Variants in SPHKAP observed in about 807,000 individuals in gnomAD.
SPHKAP encodes SPHK1 interactor, AKAP domain containing.
A neutral mutation model predicts 137.5 loss-of-function variants in SPHKAP; 67 were observed. The ratio of observed to expected loss-of-function variants is 0.49; its 90% CI spans 0.40 to 0.60. SPHKAP has a LOEUF of 0.60. SPHKAP is among the 20% of genes least tolerant of loss of function. The pLI, the probability that SPHKAP is intolerant of heterozygous loss-of-function variation, is 0.00. For synonymous variants in SPHKAP, 813 were observed against 785.3 expected, an observed-to-expected ratio of 1.04 and a Z score of -0.59; for missense variants, 2,097 against 2,069.3, an observed-to-expected ratio of 1.01 and a Z score of -0.26.
chr2:228,153,058 T>C (rs1393416567), intron 1 of SPHKAP, among the ~76,000 whole-genome samples: 5 of 152,164 alleles, frequency 3.3e-5, no homozygotes, highest in South Asian at 2.1e-4. Flanking sequence ...TCTTGTCTGC[T>C]GCCATGTAAG....
At position 228,076,218 on chromosome 2, in the gene SPHKAP, A is replaced by T. The variant is rs1054641555; in HGVS notation, c.246+32614T>A. ...TTTAATAAACACTTTTTCCTGTATAAATTACCCAGTCTCAGGTGTGTCTTT... is the reference window on the plus strand; with the variant it reads ...TTTAATAAACACTTTTTCCTGTATATATTACCCAGTCTCAGGTGTGTCTTT... On this transcript the variant is annotated intron_variant, in intron 3 of 11. Transcript: ENST00000392056. 5.3e-5 allele frequency among the ~76,000 whole-genome samples: 8 copies of T among 152,300 alleles called. No individual in the cohort carries two copies. The South Asian group carries it at 1.2e-3, about 24-fold the overall frequency.
In SPHKAP at chr2:228,021,739, C is replaced by A. The variant is rs1318393493; in HGVS notation, c.669G>T (p.Glu223Asp). Residue 223 changes from glutamate to aspartate, a missense_variant, in exon 6 of 12, where the codon GAG becomes GAT. Glu to Asp is a conservative substitution (Grantham distance 45). Transcript: ENST00000392056. ...DFLTASEHLE[E>D]ESEVDESRND... is the part of the protein sequence containing the mutation. ...TCCTAGATTCATCCACCTCGCTTTC[C>A]TCCTCCAAGTGCTCAGAAGCGGTGA... 1 of 1,613,436 alleles carries A rather than the reference C, an allele frequency of 6.2e-7. No individual in the cohort carries two copies. Among genetic ancestry groups the A allele is most frequent in the East Asian group, 2.2e-5 (1 of 44,864 alleles).
intron 3 of SPHKAP, among the ~76,000 whole-genome samples, chr2:228,061,567 C>T (rs1016193437): frequency 1.6e-4 from 25 of 152,140 alleles, no homozygotes; most frequent in Admixed American, 3.3e-4. Flanking sequence ...CCACCGCGCC[C>T]GACCTAATTA....
chr2:228,022,823 T>C (rs1694891516), intron 5 of SPHKAP, among the ~76,000 whole-genome samples: 1 of 152,186 alleles, frequency 6.6e-6, no homozygotes, highest in African/African-American at 2.4e-5. Flanking sequence ...GATCAGTATC[T>C]TTCTCTGCCT....
chr2:228,147,248 T>A (rs940270592), intron 1 of SPHKAP, among the ~76,000 whole-genome samples: 1 of 152,224 alleles, frequency 6.6e-6, no homozygotes, highest in African/African-American at 2.4e-5. Context: ...ATCTTTTAAT[T>A]ATAACTCCAT....
chr2:228,039,050 A>G (rs1266010695), intron 3 of SPHKAP, among the ~76,000 whole-genome samples: 1 of 152,222 alleles, frequency 6.6e-6, no homozygotes, highest in Non-Finnish European at 1.5e-5. Context: ...CATAATTGGT[A>G]ATAAAGACCC....
intron 1 of SPHKAP, among the ~76,000 whole-genome samples, chr2:228,133,238 T>C (rs111233451): frequency 0.34 from 51,789 of 151,414 alleles, 9,128 homozygotes; most frequent in East Asian, 0.5. Context: ...ACCCAGGAGG[T>C]GGAGGTTGCA....
Position 227,981,815 on chromosome 2 carries a change from C to A in SPHKAP, c.5005G>T (p.Gly1669Cys). 1 of 1,613,714 alleles carries A rather than the reference C, an allele frequency of 6.2e-7. No individual in the cohort carries two copies. The highest frequency in any genetic ancestry group is 8.5e-7 in the Non-Finnish European group (1 of 1,179,760). The change falls in exon 12 of 12, where the codon GGT becomes TGT. Residue 1669 changes from glycine to cysteine, a missense_variant. By Grantham distance (159) the Gly-to-Cys change is radical. Coordinates refer to ENST00000392056, the MANE Select transcript of SPHKAP (RefSeq NM_001142644.2). ...TGGACAACTGCATGGAAGATATCAC[C>A]CACTTTCCAGGACTTCCGATGAACC... ...QLVHRKSWKV[G>C]DIFHAVVQYC... is the part of the protein sequence containing the mutation.
intron 7 of SPHKAP, among the ~76,000 whole-genome samples, chr2:228,002,904 T>C (rs1693965269): frequency 6.6e-6 from 1 of 152,210 alleles, no homozygotes; most frequent in African/African-American, 2.4e-5. Flanking sequence ...TTCTGAGGGC[T>C]CTGTTCTGTT....
chr2:228,086,703 A>G (rs949883290), intron 3 of SPHKAP, among the ~76,000 whole-genome samples: 61 of 152,216 alleles, frequency 4.0e-4, no homozygotes, highest in African/African-American at 1.4e-3. Flanking sequence ...TGGTTCAGAG[A>G]GTTTGCCCAG....
At chr2:228,113,869 A>G (rs1223589924) in intron 2 of SPHKAP, among the ~76,000 whole-genome samples, 4 of 152,098 alleles carry the variant, frequency 2.6e-5, no homozygotes, top group Non-Finnish European at 5.9e-5. Context: ...ATTGAGAGCC[A>G]AATAAGTAAA....
chr2:228,025,477 C>T lies in SPHKAP; in HGVS notation c.358G>A (p.Val120Ile), dbSNP rs778500782. ...ATTTCATTTTCTTTTGGTTGTTGGA[C>T]ATTCATGGAACTGATAAGTTTTGGA... The part of the protein sequence containing the change: ...DLPKLISSMN[V>I]QQPKENEIVV... The change falls in exon 5 of 12, where the codon GTC (valine) becomes ATC (isoleucine). Residue 120 changes from valine (V) to isoleucine (I), a missense_variant. By Grantham distance (29) the Val-to-Ile change is conservative (BLOSUM62 3). Coordinates refer to ENST00000392056, the MANE Select transcript of SPHKAP (RefSeq NM_001142644.2). The T allele has an allele frequency of 6.2e-7, 1 of 1,613,920 alleles. No individual in the cohort carries two copies. Among genetic ancestry groups the T allele is most frequent in the South Asian group, 1.1e-5 (1 of 91,068 alleles).
chr2:228,154,683 G>C (rs1239783362), intron 1 of SPHKAP, among the ~76,000 whole-genome samples: 3 of 145,604 alleles, frequency 2.1e-5, no homozygotes, highest in East Asian at 4.0e-4. Context: ...CGAGTAGCTG[G>C]GAGTACAGGC....
intron 3 of SPHKAP, among the ~76,000 whole-genome samples, chr2:228,078,988 T>C (rs1697272922): frequency 6.6e-6 from 1 of 152,134 alleles, no homozygotes; most frequent in South Asian, 2.1e-4. Flanking sequence ...AGACTCAGTG[T>C]TTGGGCCTCT....
At chr2:228,127,917 A>G (rs965887260) in intron 2 of SPHKAP, among the ~76,000 whole-genome samples, 1 of 152,202 alleles carries the variant, frequency 6.6e-6, no homozygotes, top group African/African-American at 2.4e-5. Flanking sequence ...CCAAAAAAGT[A>G]TGTAGATTAA....
chr2:228,108,976 A>T, intron 2 of SPHKAP, 37 bp from the exon 3 acceptor site: 6 of 1,372,052 alleles, frequency 4.4e-6, no homozygotes, highest in Non-Finnish European at 6.0e-6. Context: ...CTTATTCGGC[A>T]ATCCTTTCTA....
At chr2:228,057,564 T>G (rs970792513) in intron 3 of SPHKAP, among the ~76,000 whole-genome samples, 2 of 151,994 alleles carry the variant, frequency 1.3e-5, no homozygotes, top group African/African-American at 4.8e-5. Flanking sequence ...AGCACAGGTT[T>G]GAGGGTCTTG....
intron 3 of SPHKAP, among the ~76,000 whole-genome samples, chr2:228,074,215 T>A (rs1287573406): frequency 6.6e-6 from 1 of 152,236 alleles, no homozygotes; most frequent in East Asian, 1.9e-4. Flanking sequence ...GATTAAAAAG[T>A]GTGTTCAAGT....
intron 5 of SPHKAP, chr2:228,022,314 T>G (rs1243530933): frequency 2.6e-6 from 1 of 388,600 alleles, no homozygotes; most frequent in Non-Finnish European, 3.5e-6. Flanking sequence ...AGAATTAAGT[T>G]GGACCACAAC....
Sources: allele counts gnomAD v4.1 joint callset (sites outside exome capture counted in the v4.1 genomes callset), GRCh38; gene constraint gnomAD v4.1.1; transcripts MANE v1.5; gene names NCBI Gene and HGNC (gene_info 2026-07-23, HGNC 2026-07-21).